Variants in PDLIM5 observed in about 807,000 individuals in gnomAD.
The protein encoded by PDLIM5 is PDZ and LIM domain protein 5.
In PDLIM5, 34 loss-of-function variants were observed where a neutral mutation model predicts 64.2. That is an observed-to-expected ratio of 0.53 (90% CI 0.40 to 0.71). The LOEUF is 0.71. Among genes scored for constraint, PDLIM5 ranks in the 30% least tolerant of loss-of-function variants. PDLIM5 has a pLI of 0.00. For missense variants in PDLIM5, 683 were observed against 733.6 expected (o/e 0.93, Z 0.80); for synonymous variants, 253 against 269.1 (o/e 0.94, Z 0.59).
intron 9 of PDLIM5, 51 bp downstream of exon 9, chr4:94,640,501 T>C (rs76907001): frequency 2.3e-5 from 1 of 42,930 alleles, no homozygotes; most frequent in South Asian, 3.5e-4. Context: ...CAATGTTGGG[T>C]TTTTTTTTTT....
At chr4:94,501,641 T>G (rs545158556) in intron 2 of PDLIM5, among the ~76,000 whole-genome samples, 310 of 152,338 alleles carry the variant, frequency 2.0e-3, no homozygotes, top group Admixed American at 3.7e-3. Context: ...TTTACTAAAG[T>G]ATTAGCCTGA....
In PDLIM5 at chr4:94,618,059, A is replaced by G. The variant is rs1347648767; in HGVS notation, c.976A>G (p.Met326Val). 6.2e-7 allele frequency: 1 copy of G among 1,610,496 alleles called. No individual in the cohort carries two copies. The highest frequency in any genetic ancestry group is 1.7e-5 in the Admixed American group (1 of 59,536). ...LASSVASTRS[M>V]PESLDSPTSG... Reference sequence around the variant, plus strand: ...TTCCTCGGTAGCTTCCACACGGAGCATGCCCGAGAGCCTGGACAGCCCAAC... The same window carrying G: ...TTCCTCGGTAGCTTCCACACGGAGCGTGCCCGAGAGCCTGGACAGCCCAAC... The change falls in exon 8 of 13, where the codon ATG becomes GTG. Residue 326 changes from methionine to valine, a missense_variant. Physicochemically the swap from Met to Val is conservative, Grantham distance 21 (BLOSUM62 1). Transcript: ENST00000317968.
chr4:94,629,090 C>T (rs939730773), intron 8 of PDLIM5, among the ~76,000 whole-genome samples: 2 of 152,152 alleles, frequency 1.3e-5, no homozygotes, highest in African/African-American at 2.4e-5. Flanking sequence ...GTGGCCCATG[C>T]CTGTAATCCC....
At chr4:94,503,420 G>A (rs1387930867) in intron 2 of PDLIM5, among the ~76,000 whole-genome samples, 1 of 151,976 alleles carries the variant, frequency 6.6e-6, no homozygotes, top group Admixed American at 6.6e-5. Context: ...GAATAACTTG[G>A]GTATTTTTCA....
chr4:94,571,229 G>A (rs1313675160), intron 3 of PDLIM5, among the ~76,000 whole-genome samples: 1 of 152,144 alleles, frequency 6.6e-6, no homozygotes, highest in Non-Finnish European at 1.5e-5. Context: ...AACATAGTCA[G>A]TTATCACTTA....
rs868582517 is a variant in PDLIM5 at position 94,608,126 on chromosome 4, A to G, written c.921-9878A>G. The G allele has an allele frequency of 3.9e-6, 6 of 1,531,090 alleles. No homozygotes were observed. In the African/African-American group the frequency reaches 8.2e-5, roughly 21 times the overall value. 94.8% of individuals were successfully genotyped at this position (1,531,090 alleles called of 1,614,324 possible). ...CCCTCCTGCAACTCCTCAGGTGTTA[A>G]CTATTGGTAGCCAAGTGGCCACACT... On this transcript the variant is annotated intron_variant, in intron 7 of 12. Transcript: ENST00000317968.
At chr4:94,525,636 T>C (rs1360437247) in intron 3 of PDLIM5, among the ~76,000 whole-genome samples, 1 of 152,198 alleles carries the variant, frequency 6.6e-6, no homozygotes, top group Non-Finnish European at 1.5e-5. Context: ...TGAGTATCAA[T>C]TTGGTATTAA....
intron 7 of PDLIM5, chr4:94,611,153 G>C (rs977481109): frequency 2.6e-6 from 4 of 1,534,878 alleles, no homozygotes; most frequent in Non-Finnish European, 3.5e-6. Context: ...TTTCCTATCT[G>C]CAGTCCTCAA....
intron 2 of PDLIM5, among the ~76,000 whole-genome samples, chr4:94,496,681 G>C (rs542926540): frequency 6.6e-6 from 1 of 152,028 alleles, no homozygotes; most frequent in African/African-American, 2.4e-5. Context: ...GTAGAGACAG[G>C]GTTTTACCAT....
At chr4:94,602,471 G>C (rs1423130804) in intron 7 of PDLIM5, among the ~76,000 whole-genome samples, 1 of 148,590 alleles carries the variant, frequency 6.7e-6, no homozygotes, top group Non-Finnish European at 1.5e-5. Context: ...GTTTCTTTTT[G>C]AGACGGAGTT....
At chr4:94,636,910 T>C (rs563992010) in intron 8 of PDLIM5, among the ~76,000 whole-genome samples, 3 of 152,166 alleles carry the variant, frequency 2.0e-5, no homozygotes, top group South Asian at 2.1e-4. Flanking sequence ...AGCTAATAAA[T>C]TATACAGGTG....
intron 2 of PDLIM5, among the ~76,000 whole-genome samples, chr4:94,464,472 A>G (rs570491212): frequency 2.6e-5 from 4 of 152,320 alleles, no homozygotes; most frequent in African/African-American, 9.6e-5. Context: ...AAGGCTGTAT[A>G]ACACTAGCCA....
rs73833965 is a variant in PDLIM5, at chr4:94,559,185, G to A, written c.249-14166G>A. Among the ~76,000 whole-genome samples, 844 of 152,044 alleles carry A rather than the reference G, an allele frequency of 5.6e-3. 9 individuals are homozygous for A. Among genetic ancestry groups the A allele is most frequent in the African/African-American group, 0.019 (804 of 41,474 alleles). ...TTTTCTGAGAATTTTGTCAAATTTCGGAAACTAGTTTCTTAGTATCCAATT... is the reference window on the plus strand; with the variant it reads ...TTTTCTGAGAATTTTGTCAAATTTCAGAAACTAGTTTCTTAGTATCCAATT... On this transcript the variant is annotated intron_variant, in intron 3 of 12. Transcript: ENST00000317968.
chr4:94,585,925 G>C (rs561988693), intron 6 of PDLIM5, among the ~76,000 whole-genome samples, 188 bp downstream of exon 6: 1 of 152,014 alleles, frequency 6.6e-6, no homozygotes, highest in Non-Finnish European at 1.5e-5. Flanking sequence ...TAATCCCAGC[G>C]CTTTGGGAGG....
intron 3 of PDLIM5, among the ~76,000 whole-genome samples, chr4:94,556,119 T>C (rs1245462825): frequency 1.4e-5 from 2 of 144,390 alleles, no homozygotes; most frequent in Admixed American, 7.0e-5. Flanking sequence ...TGTGTTCTCA[T>C]GGTTAAATTC....
chr4:94,605,324 G>T (rs935716621), intron 7 of PDLIM5, among the ~76,000 whole-genome samples: 8 of 152,148 alleles, frequency 5.3e-5, no homozygotes, highest in Non-Finnish European at 1.5e-5. Context: ...TGTTCACAAG[G>T]GTCCGTAATG....
intron 8 of PDLIM5, among the ~76,000 whole-genome samples, chr4:94,624,311 C>A (rs935096387): frequency 6.6e-6 from 1 of 151,042 alleles, no homozygotes; most frequent in Admixed American, 6.6e-5. Flanking sequence ...GAGCTAGACC[C>A]CCATCTAAAA....
In PDLIM5 at chr4:94,573,316, AT is replaced by A. The variant is rs544551383; in HGVS notation, c.249-25del. ...GTCTGCAAGTTTATAAAAATTCATT[AT>A]TTTTTTTTTCTTTTTCTTTCTTTTT... On this transcript the variant is annotated intron_variant, in intron 3 of 12. Coordinates refer to ENST00000317968, the MANE Select transcript of PDLIM5 (RefSeq NM_006457.5). The A allele has an allele frequency of 1.4e-3, 1,996 of 1,460,330 alleles. 2 individuals carry two copies. The highest frequency in any genetic ancestry group is 7.3e-3 in the Middle Eastern group (41 of 5,628). 90.5% of individuals were successfully genotyped at this position (1,460,330 alleles called of 1,614,324 possible).
At chr4:94,487,566 G>A (rs1439935612) in intron 2 of PDLIM5, among the ~76,000 whole-genome samples, 2 of 152,122 alleles carry the variant, frequency 1.3e-5, no homozygotes, top group Non-Finnish European at 2.9e-5. Flanking sequence ...TGAGAAAAAT[G>A]GCATATTATA....
Sources: gnomAD v4.1 joint callset for allele counts (sites outside exome capture counted in the v4.1 genomes callset) on GRCh38, gnomAD v4.1.1 for gene constraint, MANE v1.5 for transcripts, NCBI Gene and HGNC (gene_info 2026-07-23, HGNC 2026-07-21) for gene names.